The following HDAC9 variants were observed in gnomAD, a reference collection of about 807,000 sequenced individuals.
HDAC9 encodes the protein MEF-2 interacting transcription repressor (MITR) protein.
In HDAC9, 41 loss-of-function variants were observed where a neutral mutation model predicts 139.4. The observed-to-expected ratio is 0.29, with a 90% CI of 0.23 to 0.38. The LOEUF (loss-of-function observed/expected upper bound fraction) is 0.38. HDAC9 is among the 10% of genes least tolerant of loss of function. The probability of loss-of-function intolerance (pLI) is 1.00; values close to 1 mark genes in which losing one functional copy is unlikely to be tolerated. For synonymous variants in HDAC9, 517 were observed against 476.2 expected (o/e 1.09, Z -1.12); for missense variants, 1,147 against 1,297.0 (o/e 0.88, Z 1.78).
chr7:18,543,136 C>G (rs186872724), intron 2 of HDAC9: 12 of 152,244 alleles, frequency 7.9e-5, no homozygotes, highest in African/African-American at 2.9e-4. Flanking sequence ...TTGACAGACC[C>G]TGTGTATTTA....
chr7:18,796,725 A>G (rs1792835814), intron 17 of HDAC9, among the ~76,000 whole-genome samples: 1 of 152,180 alleles, frequency 6.6e-6, no homozygotes, highest in Non-Finnish European at 1.5e-5. Context: ...TTATCTCAAA[A>G]TGGTTTTATT....
At chr7:18,127,441 G>A (rs1784739283) in intron 1 of HDAC9, 1 of 168,546 alleles carries the variant, frequency 5.9e-6, no homozygotes, top group African/African-American at 2.4e-5. Context: ...CCCTTTATCT[G>A]CTTCCCTGCT....
chr7:18,357,968 G>C (rs1030400550), intron 1 of HDAC9, among the ~76,000 whole-genome samples: 1 of 152,196 alleles, frequency 6.6e-6, no homozygotes, highest in Non-Finnish European at 1.5e-5. Flanking sequence ...CTTTTGATAG[G>C]ATTATTCTGG....
intron 2 of HDAC9, among the ~76,000 whole-genome samples, chr7:18,580,311 G>A (rs1615309): frequency 0.54 from 82,196 of 151,908 alleles, 23,144 homozygotes; most frequent in African/African-American, 0.71. Context: ...AGGAGCTTAT[G>A]AACATTAAAA....
At chr7:18,778,460 G>A (rs1790967954) in intron 16 of HDAC9, among the ~76,000 whole-genome samples, 1 of 151,956 alleles carries the variant, frequency 6.6e-6, no homozygotes, top group Admixed American at 6.6e-5. Context: ...TAGGAATGAG[G>A]CTCTAATGTG....
intron 25 of HDAC9, among the ~76,000 whole-genome samples, chr7:18,991,787 AT>A (rs1227796886): frequency 6.6e-6 from 1 of 152,250 alleles, no homozygotes; most frequent in Non-Finnish European, 1.5e-5. Flanking sequence ...TAGTTATCAA[AT>A]AAATGCAAAT....
At chr7:18,423,331 A>G (rs569155302) in intron 1 of HDAC9, among the ~76,000 whole-genome samples, 1 of 152,314 alleles carries the variant, frequency 6.6e-6, no homozygotes, top group Non-Finnish European at 1.5e-5. Flanking sequence ...ATAGTTTAAG[A>G]CTTTGAGAAA....
At chr7:18,407,295 A>G (rs566313569) in intron 1 of HDAC9, among the ~76,000 whole-genome samples, 1 of 152,318 alleles carries the variant, frequency 6.6e-6, no homozygotes, top group South Asian at 2.1e-4. Context: ...TGGACCCAAG[A>G]GTCATTTGTT....
intron 1 of HDAC9, among the ~76,000 whole-genome samples, chr7:18,360,485 A>G (rs1233658442): frequency 6.6e-6 from 1 of 152,162 alleles, no homozygotes; most frequent in Non-Finnish European, 1.5e-5. Context: ...CTCTTTAGCC[A>G]TAAATTTCCA....
intron 1 of HDAC9, among the ~76,000 whole-genome samples, chr7:18,482,416 A>AAAAAAAAAAAAAAC (rs1363675050): frequency 7.2e-6 from 1 of 139,564 alleles, no homozygotes; most frequent in Non-Finnish European, 1.5e-5. Context: ...AAAAAAAAAA[A>AAAAAAAAAAAAAAC]ATTCTCCTTG....
In HDAC9 at chr7:18,272,005, G is replaced by A. The variant is rs181074608; in HGVS notation, c.25+109656G>A. Among the ~76,000 whole-genome samples, 31 of 152,254 alleles carry A rather than the reference G, an allele frequency of 2.0e-4. No homozygotes were observed. The East Asian group carries it at 5.6e-3, about 27-fold the overall frequency. ...ATTAATTCTCAAATAATAGAGATTA[G>A]TACAATATTTGTTGAACAATAACAG... On this transcript the variant is annotated intron_variant, in intron 2 of 12. Coordinates refer to the HDAC9 transcript ENST00000417496.
At chr7:18,705,594 T>C (rs1464359257) in intron 12 of HDAC9, among the ~76,000 whole-genome samples, 1 of 152,144 alleles carries the variant, frequency 6.6e-6, no homozygotes, top group Non-Finnish European at 1.5e-5. Context: ...CTCATGCCTG[T>C]AATCCTAGCA....
chr7:18,306,671 G>A (rs941557643), intron 1 of HDAC9, among the ~76,000 whole-genome samples: 16 of 152,072 alleles, frequency 1.1e-4, no homozygotes, highest in African/African-American at 3.4e-4. Flanking sequence ...GCATTTTCTT[G>A]CTTACGATCT....
At chr7:18,948,283 T>A (rs116051443) in intron 23 of HDAC9, among the ~76,000 whole-genome samples, 1,962 of 152,172 alleles carry the variant, frequency 0.013, 36 homozygotes, top group African/African-American at 0.042. Context: ...TTTCACTATT[T>A]ACAGATGATT....
chr7:18,217,265 T>G (rs1421089305), intron 2 of HDAC9, among the ~76,000 whole-genome samples: 1 of 152,116 alleles, frequency 6.6e-6, no homozygotes, highest in East Asian at 1.9e-4. Context: ...TTCATCCCCC[T>G]TTTGTTACTT....
At chr7:18,887,917 G>T (rs188094699) in intron 22 of HDAC9, among the ~76,000 whole-genome samples, 1 of 152,256 alleles carries the variant, frequency 6.6e-6, no homozygotes, top group African/African-American at 2.4e-5. Context: ...AGGAGTTGCA[G>T]TGGTTCTCAT....
At chr7:18,799,818 A>G (rs1793140137) in intron 17 of HDAC9, among the ~76,000 whole-genome samples, 2 of 152,196 alleles carry the variant, frequency 1.3e-5, no homozygotes, top group Non-Finnish European at 2.9e-5. Flanking sequence ...TAAGTTTCAG[A>G]GAAGAAAAGA....
In HDAC9 at chr7:18,975,964, A is replaced by C. The variant is rs1452118496; in HGVS notation, c.3170+11A>C. 1 of 1,612,190 alleles carries C rather than the reference A, an allele frequency of 6.2e-7. No homozygotes were observed. The highest frequency in any genetic ancestry group is 2.2e-5 in the East Asian group (1 of 44,856). ...TCAGGAAGACAGCAGGTATGAATCCAACGTGCGGGAATAATCCGGGTCAGT... is the reference window on the plus strand; with the variant it reads ...TCAGGAAGACAGCAGGTATGAATCCCACGTGCGGGAATAATCCGGGTCAGT... On this transcript the variant is annotated intron_variant, in intron 25 of 25. Transcript: ENST00000686413.
At chr7:18,214,636 T>C (rs1584674826) in intron 2 of HDAC9, among the ~76,000 whole-genome samples, 1 of 152,174 alleles carries the variant, frequency 6.6e-6, no homozygotes, top group East Asian at 1.9e-4. Context: ...TGAAACAGCA[T>C]AGGAAACTTA....
Sources: allele counts gnomAD v4.1 joint callset (sites outside exome capture counted in the v4.1 genomes callset), GRCh38; gene constraint gnomAD v4.1.1; transcripts MANE v1.5; gene names NCBI Gene and HGNC (gene_info 2026-07-23, HGNC 2026-07-21).